Variants in GNAQ observed in about 807,000 individuals in gnomAD.
GNAQ encodes G protein subunit alpha q.
A neutral mutation model predicts 43.9 loss-of-function variants in GNAQ; 8 were observed. The ratio of observed to expected loss-of-function variants is 0.18; its 90% CI spans 0.11 to 0.33. The LOEUF (loss-of-function observed/expected upper bound fraction) is 0.33, where lower values mean the gene tolerates loss of function less well. Among genes scored for constraint, GNAQ ranks in the 10% least tolerant of loss-of-function variants. The pLI, the probability that GNAQ is intolerant of heterozygous loss-of-function variation, is 1.00. For missense variants in GNAQ, 158 were observed against 450.8 expected, an observed-to-expected ratio of 0.35 and a Z score of 5.88; for synonymous variants, 155 against 170.7, an observed-to-expected ratio of 0.91 and a Z score of 0.71.
chr9:77,941,017 G>A (rs1334230987), intron 1 of GNAQ, among the ~76,000 whole-genome samples: 2 of 151,770 alleles, frequency 1.3e-5, no homozygotes, highest in East Asian at 1.9e-4. Context: ...AAAGAAAAGG[G>A]CAATTGGAAA....
intron 1 of GNAQ, among the ~76,000 whole-genome samples, chr9:77,963,075 C>T (rs1399024492): frequency 2.0e-5 from 3 of 151,904 alleles, no homozygotes; most frequent in Non-Finnish European, 4.4e-5. Flanking sequence ...CAGAACAACA[C>T]GAATTCTGCT....
In GNAQ at chr9:77,817,882, A is replaced by T. The variant is rs555417420; in HGVS notation, c.322-2112T>A. Among the ~76,000 whole-genome samples, 6 of 152,292 alleles carry T rather than the reference A, an allele frequency of 3.9e-5. No homozygotes were observed. The South Asian group carries it at 8.3e-4, about 21-fold the overall frequency. On this transcript the variant is annotated intron_variant, in intron 2 of 6. Transcript: ENST00000286548. ...GAAGGTGGGATTTAGCTGGCGGGTG[A>T]AGATGAAGATGAATGATCCCTCCAA...
At chr9:77,959,096 C>T (rs980458067) in intron 1 of GNAQ, among the ~76,000 whole-genome samples, 4 of 152,222 alleles carry the variant, frequency 2.6e-5, no homozygotes, top group African/African-American at 7.2e-5. Flanking sequence ...ATTAGAATCA[C>T]GCAAGGAGAG....
chr9:77,998,988 G>A (rs994600238), intron 1 of GNAQ, among the ~76,000 whole-genome samples: 10 of 151,064 alleles, frequency 6.6e-5, no homozygotes, highest in Non-Finnish European at 1.5e-4. Context: ...CTACTTCGGG[G>A]GGCTGAGGCA....
Position 77,779,680 on chromosome 9 carries a change from CAAAAAAA to C in GNAQ, c.735+14776_735+14782del, listed in dbSNP as rs58014303. ...TAGCCAGGTTAACTAAAAAACAAAA[CAAAAAAA>C]AAAAAAAAAAAAAAGAGAAGGCACA... is the stretch of plus-strand genomic sequence containing the variant. On this transcript the variant is annotated intron_variant, in intron 5 of 6. Transcript: ENST00000286548. 6.1e-3 allele frequency among the ~76,000 whole-genome samples: 589 copies of C among 95,960 alleles called. 4 individuals are homozygous for C. The highest frequency in any genetic ancestry group is 0.022 in the African/African-American group (543 of 24,170). 63.0% of individuals were successfully genotyped at this position (95,960 alleles called of 152,430 possible).
At chr9:77,975,462 T>C (rs774436308) in intron 1 of GNAQ, among the ~76,000 whole-genome samples, 3 of 151,270 alleles carry the variant, frequency 2.0e-5, no homozygotes, top group African/African-American at 4.9e-5. Context: ...TTTAGAAAAA[T>C]AGGGCAACTT....
rs573473936 is a variant in GNAQ, at chr9:77,760,964, C to T, written c.736-32297G>A. 7.2e-4 allele frequency among the ~76,000 whole-genome samples: 109 copies of T among 150,766 alleles called. 1 individual carries two copies. Among genetic ancestry groups the T allele is most frequent in the East Asian group, 2.0e-3 (10 of 5,050 alleles). Reference sequence around the variant, plus strand: ...CCATCTGAGAAGGGAGGAGACCCTCCGCCTGGCAACCGCCCCGTCTGAGAA... The same window carrying T: ...CCATCTGAGAAGGGAGGAGACCCTCTGCCTGGCAACCGCCCCGTCTGAGAA... On this transcript the variant is annotated intron_variant, in intron 5 of 6. Coordinates refer to ENST00000286548, the MANE Select transcript of GNAQ (RefSeq NM_002072.5).
At chr9:77,884,748 A>T (rs1828274193) in intron 2 of GNAQ, among the ~76,000 whole-genome samples, 1 of 152,196 alleles carries the variant, frequency 6.6e-6, no homozygotes, top group Non-Finnish European at 1.5e-5. Flanking sequence ...ACCCCATCAT[A>T]GTCTAAGTTT....
At chr9:77,830,825 T>C (rs547162657) in intron 2 of GNAQ, among the ~76,000 whole-genome samples, 1 of 113,872 alleles carries the variant, frequency 8.8e-6, no homozygotes, top group Non-Finnish European at 1.8e-5. Context: ...AAACCACTGT[T>C]AAGGTGTTAT....
intron 1 of GNAQ, among the ~76,000 whole-genome samples, chr9:77,927,736 T>C (rs1376568432): frequency 1.3e-5 from 2 of 152,144 alleles, no homozygotes; most frequent in Non-Finnish European, 2.9e-5. Context: ...AATATATTTA[T>C]TTCACACTGC....
In GNAQ at chr9:77,760,709, T is replaced by G. The variant is rs564557901; in HGVS notation, c.736-32042A>C. Among the ~76,000 whole-genome samples the G allele has an allele frequency of 4.0e-5, 6 of 149,860 alleles. No homozygotes were observed. In the East Asian group the frequency reaches 8.1e-4, roughly 20 times the overall value. On this transcript the variant is annotated intron_variant, in intron 5 of 6. Transcript: ENST00000286548. ...GGAGCCCCTCTGCCTGGCTGCCCAG[T>G]CTGGAAAGTGAGGAGCGTCTCTGCC...
intron 1 of GNAQ, among the ~76,000 whole-genome samples, chr9:77,961,972 G>A (rs1362648032): frequency 1.3e-5 from 2 of 152,016 alleles, no homozygotes; most frequent in African/African-American, 4.8e-5. Context: ...GAAGAAAAGA[G>A]AAAGGAATGT....
chr9:77,721,582 CAATA>C (rs1825315871), intron 6 of GNAQ, 69 bp from the exon 7 acceptor site: 10 of 887,152 alleles, frequency 1.1e-5, no homozygotes. Flanking sequence ...ATCATTGGTT[CAATA>C]AATACTGTGT....
intron 1 of GNAQ, among the ~76,000 whole-genome samples, chr9:77,978,808 C>A (rs1264507184): frequency 6.6e-6 from 1 of 152,162 alleles, no homozygotes; most frequent in Non-Finnish European, 1.5e-5. Flanking sequence ...GCCTATAATC[C>A]CAGCACTTTG....
chr9:77,721,554 C>T (rs1825315071), intron 6 of GNAQ, 41 bp from the exon 7 acceptor site: 4 of 1,172,012 alleles, frequency 3.4e-6, no homozygotes, highest in Non-Finnish European at 5.0e-6. Flanking sequence ...GTTACCTAAT[C>T]TGCTAATGTA....
intron 2 of GNAQ, among the ~76,000 whole-genome samples, chr9:77,908,553 CA>C (rs1421809115): frequency 6.6e-6 from 1 of 152,150 alleles, no homozygotes; most frequent in Non-Finnish European, 1.5e-5. Flanking sequence ...GTTATTGTCC[CA>C]AAAGTTTTGC....
intron 1 of GNAQ, among the ~76,000 whole-genome samples, chr9:77,991,430 T>C (rs143963070): frequency 6.6e-6 from 1 of 152,168 alleles, no homozygotes; most frequent in African/African-American, 2.4e-5. Context: ...AGTCCTTAAT[T>C]AGAACCAGTA....
At chr9:77,991,467 G>T (rs1823506772) in intron 1 of GNAQ, among the ~76,000 whole-genome samples, 1 of 152,196 alleles carries the variant, frequency 6.6e-6, no homozygotes, top group Non-Finnish European at 1.5e-5. Context: ...GAAACAGGAA[G>T]ACTACGAGAT....
At chr9:77,729,987 T>C (rs1825463278) in intron 5 of GNAQ, among the ~76,000 whole-genome samples, 1 of 152,194 alleles carries the variant, frequency 6.6e-6, no homozygotes, top group Admixed American at 6.5e-5. Flanking sequence ...ACAGAGAACC[T>C]TGCTTTCATG....
Sources: gnomAD v4.1 joint callset for allele counts (sites outside exome capture counted in the v4.1 genomes callset) on GRCh38, gnomAD v4.1.1 for gene constraint, MANE v1.5 for transcripts, NCBI Gene and HGNC (gene_info 2026-07-23, HGNC 2026-07-21) for gene names.